PTPRC: variants seen among roughly 807,000 people sequenced by gnomAD.
PTPRC encodes receptor-type tyrosine-protein phosphatase C.
Under a neutral mutation model 155.9 loss-of-function variants are expected in PTPRC, and 44 were observed. The ratio of observed to expected loss-of-function variants is 0.28; its 90% CI spans 0.22 to 0.36. The LOEUF is 0.36. PTPRC is among the 10% of genes least tolerant of loss of function. PTPRC has a pLI of 1.00. For synonymous variants in PTPRC, 525 were observed against 533.1 expected, an observed-to-expected ratio of 0.98 and a Z score of 0.21; for missense variants, 1,401 against 1,564.6, an observed-to-expected ratio of 0.90 and a Z score of 1.76.
intron 2 of PTPRC, among the ~76,000 whole-genome samples, chr1:198,683,033 T>G (rs1158962155): frequency 6.6e-6 from 1 of 152,134 alleles, no homozygotes; most frequent in African/African-American, 2.4e-5. Context: ...TGAACAAGCA[T>G]GGGGGTTTTT....
chr1:198,757,169 A>ATAAC lies in PTPRC; in HGVS notation c.*990_*993dup, dbSNP rs1277810076. On this transcript the variant is annotated 3_prime_UTR_variant, in exon 33 of 33. Coordinates refer to ENST00000442510, the MANE Select transcript of PTPRC (RefSeq NM_002838.5). ...ATAGTTCCCATGTTAAATCCCATTCATAACTTTCATTAAAGCATTTACTTT... is the reference window on the plus strand; with the variant it reads ...ATAGTTCCCATGTTAAATCCCATTCATAACTAACTTTCATTAAAGCATTTACTTT... 2.0e-5 allele frequency: 3 copies of ATAAC among 151,868 alleles called. No homozygotes were observed. Among genetic ancestry groups the ATAAC allele is most frequent in the African/African-American group, 4.8e-5 (2 of 41,424 alleles). 9.4% of individuals were successfully genotyped at this position (151,868 alleles called of 1,614,324 possible). A position where few individuals can be genotyped will look rare whatever the true frequency, so the allele number is the denominator to read the frequency against.
At chr1:198,692,472 T>A (rs1163725393) in intron 3 of PTPRC, 99 bp downstream of exon 3, 2 of 1,164,358 alleles carry the variant, frequency 1.7e-6, no homozygotes, top group Non-Finnish European at 2.2e-6. Context: ...AAATTATTTT[T>A]AAGGATAAAT....
chr1:198,732,127 T>C (rs866979335), intron 18 of PTPRC, among the ~76,000 whole-genome samples, 173 bp from the exon 19 acceptor site: 1 of 145,336 alleles, frequency 6.9e-6, no homozygotes, highest in African/African-American at 2.6e-5. Context: ...AAGAAAAAAG[T>C]TTTTTTTTTA....
rs1008626843 is a variant in PTPRC, at chr1:198,700,023, A to C, written c.439+319A>C. ...AACTTTTTGTTAGAAGTAAGAAATA[A>C]TATGCATAAATCTTTACTTAAAGAC... On this transcript the variant is annotated intron_variant, in intron 5 of 32. Transcript: ENST00000442510. The C allele has an allele frequency of 9.0e-5, 39 of 432,952 alleles. No homozygotes were observed. In the East Asian group the frequency reaches 1.9e-3, roughly 21 times the overall value. 26.8% of individuals were successfully genotyped at this position (432,952 alleles called of 1,614,324 possible).
intron 28 of PTPRC, chr1:198,750,229 G>A (rs939725529): frequency 4.4e-6 from 2 of 459,254 alleles, no homozygotes; most frequent in Non-Finnish European, 8.0e-6. Context: ...AAACAAAAAT[G>A]TGTGTCTTTT....
chr1:198,729,836 T>C (rs2102477865), intron 17 of PTPRC, among the ~76,000 whole-genome samples: 1 of 152,242 alleles, frequency 6.6e-6, no homozygotes, highest in South Asian at 2.1e-4. Context: ...GAAAACTGTG[T>C]GCAAGGGCAG....
chr1:198,659,621 G>A (rs963720423), intron 2 of PTPRC, among the ~76,000 whole-genome samples: 31 of 149,812 alleles, frequency 2.1e-4, no homozygotes, highest in Non-Finnish European at 3.0e-5. Context: ...TGCAACCTAC[G>A]CTTCCCAGGT....
chr1:198,652,568 CTT>C (rs373397106), intron 2 of PTPRC, among the ~76,000 whole-genome samples: 2 of 146,154 alleles, frequency 1.4e-5, no homozygotes. Flanking sequence ...AAATATTACC[CTT>C]TTTTTTTTTT....
intron 17 of PTPRC, 117 bp downstream of exon 17, chr1:198,729,288 C>A: frequency 8.0e-7 from 1 of 1,256,046 alleles, no homozygotes; most frequent in Non-Finnish European, 1.0e-6. Flanking sequence ...GTCTCCCAGG[C>A]TGAAGTGTGG....
intron 15 of PTPRC, among the ~76,000 whole-genome samples, chr1:198,725,915 C>T (rs149473187): frequency 2.4e-4 from 37 of 152,272 alleles, no homozygotes; most frequent in African/African-American, 8.9e-4. Flanking sequence ...AATTGCTCTA[C>T]TTCTAATTTC....
intron 2 of PTPRC, among the ~76,000 whole-genome samples, chr1:198,650,045 G>C (rs1366107033): frequency 6.6e-6 from 1 of 151,760 alleles, no homozygotes; most frequent in Non-Finnish European, 1.5e-5. Flanking sequence ...ATCCATGTGA[G>C]GGAGACTGGC....
At chr1:198,643,741 G>A (rs896817023) in intron 2 of PTPRC, among the ~76,000 whole-genome samples, 5 of 151,992 alleles carry the variant, frequency 3.3e-5, no homozygotes, top group African/African-American at 9.6e-5. Flanking sequence ...ATACCCATAG[G>A]AGAAAAAGCA....
At chr1:198,736,662 A>T (rs1654653257) in intron 23 of PTPRC, among the ~76,000 whole-genome samples, 1 of 151,660 alleles carries the variant, frequency 6.6e-6, no homozygotes, top group Admixed American at 6.6e-5. Context: ...AGTGCAGATT[A>T]TCTCTTCAAT....
chr1:198,743,067 C>A (rs373085331), intron 25 of PTPRC, among the ~76,000 whole-genome samples: 932 of 75,706 alleles, frequency 0.012, no homozygotes, highest in Middle Eastern at 0.029. Flanking sequence ...GTCAAAATAG[C>A]AAAAAAAAAA....
intron 2 of PTPRC, among the ~76,000 whole-genome samples, chr1:198,643,672 G>A (rs1273952426): frequency 3.9e-5 from 6 of 151,914 alleles, no homozygotes; most frequent in Non-Finnish European, 7.4e-5. Flanking sequence ...TCTTTGATCT[G>A]CTCTTTGGAC....
At chr1:198,667,856 T>C (rs898059576) in intron 2 of PTPRC, among the ~76,000 whole-genome samples, 3 of 152,218 alleles carry the variant, frequency 2.0e-5, no homozygotes, top group African/African-American at 7.2e-5. Flanking sequence ...GTAGTAGCTG[T>C]GTCTCAGGCA....
chr1:198,751,671 G>A (rs1571895604), intron 29 of PTPRC, among the ~76,000 whole-genome samples: 1 of 152,140 alleles, frequency 6.6e-6, no homozygotes, highest in South Asian at 2.1e-4. Context: ...AAATTGTGGG[G>A]TTGTAGTTGG....
intron 2 of PTPRC, chr1:198,679,645 C>T (rs1232462299): frequency 3.0e-5 from 8 of 263,046 alleles, no homozygotes; most frequent in East Asian, 8.3e-5. Flanking sequence ...AGGATGGGCT[C>T]GTCACACTTC....
At chr1:198,750,810 A>G (rs1325271641) in intron 29 of PTPRC, among the ~76,000 whole-genome samples, 184 bp downstream of exon 29, 1 of 151,826 alleles carries the variant, frequency 6.6e-6, no homozygotes, top group African/African-American at 2.4e-5. Context: ...CTGGATTCTG[A>G]CAGTCTCTCC....
Sources: allele counts gnomAD v4.1 joint callset (sites outside exome capture counted in the v4.1 genomes callset), GRCh38; gene constraint gnomAD v4.1.1; transcripts MANE v1.5; gene names NCBI Gene and HGNC (gene_info 2026-07-23, HGNC 2026-07-21).